The following ARHGAP29 variants were observed in gnomAD, a reference collection of about 807,000 sequenced individuals.
ARHGAP29 encodes Rho GTPase activating protein 29.
ARHGAP29 carries 43 observed loss-of-function variants against 122.6 expected under a neutral mutation model. The ratio of observed to expected loss-of-function variants is 0.35; its 90% CI spans 0.27 to 0.45. ARHGAP29 has a LOEUF of 0.45. Ranked by LOEUF, ARHGAP29 falls within the 20% of genes least tolerant of loss-of-function variation. The probability of loss-of-function intolerance (pLI) is 1.00; values close to 1 mark genes in which losing one functional copy is unlikely to be tolerated. For synonymous variants in ARHGAP29, 506 were observed against 497.1 expected, an observed-to-expected ratio of 1.02 and a Z score of -0.24; for missense variants, 1,303 against 1,477.2, an observed-to-expected ratio of 0.88 and a Z score of 1.93.
At chr1:94,227,372 T>C (rs1652671445) in intron 2 of ARHGAP29, among the ~76,000 whole-genome samples, 1 of 151,636 alleles carries the variant, frequency 6.6e-6, no homozygotes, top group African/African-American at 2.4e-5. Flanking sequence ...CATACATTTT[T>C]ATCTTCCTTT....
chr1:94,187,603 C>T (rs996824034), intron 15 of ARHGAP29, among the ~76,000 whole-genome samples: 6 of 152,180 alleles, frequency 3.9e-5, no homozygotes, highest in African/African-American at 1.4e-4. Context: ...TTGAAGACAG[C>T]TGACAGGTCT....
At chr1:94,286,516 A>G in the ARHGAP29 span, among the ~76,000 whole-genome samples, 3 of 152,152 alleles carry the variant, frequency 2.0e-5, no homozygotes, top group South Asian at 6.2e-4. Context: ...AAAAATACAA[A>G]AATTAGCCAG....
the ARHGAP29 span, chr1:94,302,480 G>A: frequency 2.8e-6 from 1 of 352,406 alleles, no homozygotes; most frequent in Non-Finnish European, 5.6e-6. Flanking sequence ...TGCACCACCA[G>A]CTGCCTAACC....
upstream of ARHGAP29, among the ~76,000 whole-genome samples, chr1:94,278,400 A>G (rs1655256399): frequency 6.6e-6 from 1 of 152,218 alleles, no homozygotes; most frequent in Non-Finnish European, 1.5e-5. Flanking sequence ...CTGATAACAT[A>G]CCCAATTCTA....
At chr1:94,237,588 G>GCCGCCA (rs1653372022), upstream of ARHGAP29, 1 of 989,354 alleles carries the variant, frequency 1.0e-6, no homozygotes, top group Admixed American at 6.2e-5. Flanking sequence ...CACCACTGCA[G>GCCGCCA]CCGCCACCGC....
In ARHGAP29 at chr1:94,177,975, T is replaced by C. The variant is rs1048854; in HGVS notation, c.2673A>G (p.Gln891=). The C allele has an allele frequency of 0.24, 394,441 of 1,613,954 alleles. 51,897 individuals are homozygous for C. The highest frequency in any genetic ancestry group is 0.35 in the Middle Eastern group (2,104 of 6,062). Residue 891 remains glutamine (Q), a synonymous_variant, in exon 21 of 23, where the codon CAA becomes CAG. Coordinates refer to ENST00000260526, the MANE Select transcript of ARHGAP29 (RefSeq NM_004815.4). ...CTATGCTACACATAACATCTTGTGG[T>C]TGTAGGGACCCATCGAAGATCTTCT... ...YSQKIFDGSL[Q]PQDVMCSIGV...
At position 94,170,175 on chromosome 1, in the gene ARHGAP29, A is replaced by G. The variant is rs905282025; in HGVS notation, c.*3694T>C. Among the ~76,000 whole-genome samples the G allele has an allele frequency of 3.9e-5, 6 of 152,214 alleles. No homozygotes were observed. Among genetic ancestry groups the G allele is most frequent in the South Asian group, 2.1e-4 (1 of 4,828 alleles). On this transcript the variant is annotated 3_prime_UTR_variant, in exon 23 of 23. Coordinates refer to ENST00000260526, the MANE Select transcript of ARHGAP29 (RefSeq NM_004815.4). Reference sequence around the variant, plus strand: ...ATTACTTCCTAATTCTAATTTTACAATGGAGAAACCTGGTATATACTATCT... The same window carrying G: ...ATTACTTCCTAATTCTAATTTTACAGTGGAGAAACCTGGTATATACTATCT...
At chr1:94,199,518 G>A (rs749637552) in intron 12 of ARHGAP29, among the ~76,000 whole-genome samples, 7 of 152,208 alleles carry the variant, frequency 4.6e-5, no homozygotes, top group African/African-American at 7.2e-5. Flanking sequence ...CAAGGGCACA[G>A]CTAGGATCAC....
rs898283137 is a variant in ARHGAP29, at chr1:94,169,309, C to A, written c.*4560G>T. On this transcript the variant is annotated 3_prime_UTR_variant, in exon 23 of 23. Transcript: ENST00000260526. Reference sequence around the variant, plus strand: ...AAAGATTCAGCTGCCATGGTCCAGGCTCCAGGCTGGGGAGGATGTTAGGGA... The same window carrying A: ...AAAGATTCAGCTGCCATGGTCCAGGATCCAGGCTGGGGAGGATGTTAGGGA... Among the ~76,000 whole-genome samples the A allele has an allele frequency of 3.9e-5, 6 of 152,142 alleles. No homozygotes were observed. Among genetic ancestry groups the A allele is most frequent in the African/African-American group, 1.2e-4 (5 of 41,442 alleles).
At chr1:94,187,933 A>T (rs1179255369) in intron 15 of ARHGAP29, among the ~76,000 whole-genome samples, 1 of 152,172 alleles carries the variant, frequency 6.6e-6, no homozygotes, top group Non-Finnish European at 1.5e-5. Context: ...AGTTTCCTAA[A>T]TTTAAATATA....
intron 1 of ARHGAP29, among the ~76,000 whole-genome samples, chr1:94,253,742 A>G (rs1654215380): frequency 6.6e-6 from 1 of 152,192 alleles, no homozygotes; most frequent in Admixed American, 6.5e-5. Flanking sequence ...GCCCAATGGA[A>G]ACATTACTAA....
upstream of ARHGAP29, among the ~76,000 whole-genome samples, chr1:94,242,268 C>A (rs1450403269): frequency 6.6e-6 from 1 of 152,054 alleles, no homozygotes; most frequent in Non-Finnish European, 1.5e-5. Context: ...CCCAGGGAGA[C>A]CCCAGGGCAT....
At chr1:94,179,592 CAAAAAAAAAA>C (rs67114194) in intron 20 of ARHGAP29, 123 bp downstream of exon 20, 4 of 219,898 alleles carry the variant, frequency 1.8e-5, no homozygotes, top group South Asian at 4.1e-5. Context: ...GACTCTGTCT[CAAAAAAAAAA>C]AAAAAAAAAA....
At position 94,174,325 on chromosome 1, in the gene ARHGAP29, GCT is replaced by G. The variant is rs1648948225; in HGVS notation, c.3328_3329del (p.Ser1110ProfsTer4). 1 of 1,614,030 alleles carries G rather than the reference GCT, an allele frequency of 6.2e-7. No homozygotes were observed. Among genetic ancestry groups the G allele is most frequent in the Non-Finnish European group, 8.5e-7 (1 of 1,180,052 alleles). On this transcript the variant is annotated frameshift_variant, in exon 23 of 23. Transcript: ENST00000260526. LOFTEE classifies it low-confidence loss of function (END_TRUNC). ...TAGAATGGTCCCCACTAATCTGGAG[GCT>G]TGTTGTCACTCCTTTTTCCTGGAGT... ...SALQEKGVTT[S>X]LQISGDHSIN...
chr1:94,232,286 A>G (rs1190992218), intron 1 of ARHGAP29, among the ~76,000 whole-genome samples: 1 of 152,158 alleles, frequency 6.6e-6, no homozygotes, highest in Non-Finnish European at 1.5e-5. Flanking sequence ...ACATGACGCG[A>G]TGATACAGAA....
the ARHGAP29 span, among the ~76,000 whole-genome samples, chr1:94,309,707 C>T: frequency 5.9e-5 from 9 of 152,118 alleles, no homozygotes; most frequent in Admixed American, 4.6e-4. Flanking sequence ...GAATGAGAGG[C>T]GATAGGTCCC....
intron 16 of ARHGAP29, 138 bp from the exon 17 acceptor site, chr1:94,185,619 C>T (rs957277988): frequency 1.4e-6 from 1 of 740,038 alleles, no homozygotes; most frequent in Non-Finnish European, 1.9e-6. Flanking sequence ...ATCAAAATAG[C>T]TAGTTAGCAT....
At chr1:94,302,781 T>C in the ARHGAP29 span, 1 of 291,264 alleles carries the variant, frequency 3.4e-6, no homozygotes, top group Non-Finnish European at 6.8e-6. Context: ...ACCAGCCAAA[T>C]ATGATGACAT....
chr1:94,235,391 T>C (rs1570585677), intron 1 of ARHGAP29, among the ~76,000 whole-genome samples: 2 of 152,346 alleles, frequency 1.3e-5, no homozygotes, highest in South Asian at 4.1e-4. Context: ...AACTGGCAAC[T>C]TAATTAGGTA....
Sources: gnomAD v4.1 joint callset for allele counts (sites outside exome capture counted in the v4.1 genomes callset) on GRCh38, gnomAD v4.1.1 for gene constraint, MANE v1.5 for transcripts, NCBI Gene and HGNC (gene_info 2026-07-23, HGNC 2026-07-21) for gene names.